The following SIRPB2 variants were observed in gnomAD, a reference collection of about 807,000 sequenced individuals.
The protein encoded by SIRPB2 is signal regulatory protein beta 2.
In SIRPB2, 18 loss-of-function variants were observed where a neutral mutation model predicts 27.1. The ratio of observed to expected loss-of-function variants is 0.66; its 90% CI spans 0.46 to 0.98. SIRPB2 has a LOEUF of 0.98. Among genes scored for constraint, SIRPB2 ranks in the 50% least tolerant of loss-of-function variants. SIRPB2 has a pLI of 0.00. For missense variants in SIRPB2, 420 were observed against 417.4 expected (o/e 1.01, Z -0.06); for synonymous variants, 150 against 164.6 (o/e 0.91, Z 0.68).
At chr20:1,484,486 A>C (rs1436545249) in intron 1 of SIRPB2, among the ~76,000 whole-genome samples, 4 of 152,122 alleles carry the variant, frequency 2.6e-5, no homozygotes, top group Non-Finnish European at 4.4e-5. Context: ...AATATACAGG[A>C]AACTCAAACA....
intron 1 of SIRPB2, among the ~76,000 whole-genome samples, chr20:1,483,626 ATTGT>A (rs1001520953): frequency 7.2e-5 from 11 of 151,944 alleles, no homozygotes; most frequent in Admixed American, 2.0e-4. Context: ...TAACTGTTGA[ATTGT>A]TTGAGTTCCT....
chr20:1,483,612 T>A (rs886247027), intron 1 of SIRPB2, among the ~76,000 whole-genome samples: 35 of 152,346 alleles, frequency 2.3e-4, no homozygotes, highest in African/African-American at 7.9e-4. Flanking sequence ...TTTGTTTGCT[T>A]TTTTAACTGT....
At chr20:1,487,831 C>T (rs1286882264) in intron 1 of SIRPB2, among the ~76,000 whole-genome samples, 2 of 152,110 alleles carry the variant, frequency 1.3e-5, no homozygotes, top group Non-Finnish European at 2.9e-5. Flanking sequence ...GGTGCAAAGA[C>T]AATTCAATGG....
chr20:1,479,963 AC>A lies in SIRPB2; in HGVS notation c.187del (p.Val63SerfsTer8). The A allele has an allele frequency of 6.2e-7, 1 of 1,614,174 alleles. No individual in the cohort carries two copies. The highest frequency in any genetic ancestry group is 8.5e-7 in the Non-Finnish European group (1 of 1,180,036). Reference sequence around the variant, plus strand: ...TATCATACCATCAGTGCAGGAGCCGACCACCATACACCTCAGTAGAAGTGTC... The same window carrying A: ...TATCATACCATCAGTGCAGGAGCCGACACCATACACCTCAGTAGAAGTGTC... ...GETLLLRCMV[V>X]GSCTDGMIKW... On this transcript the variant is annotated frameshift_variant, in exon 2 of 5. Coordinates refer to ENST00000359801, the MANE Select transcript of SIRPB2 (RefSeq NM_001122962.2). LOFTEE classifies it high-confidence loss of function.
chr20:1,479,880 A>G lies in SIRPB2; in HGVS notation c.271T>C (p.Ser91Pro), dbSNP rs1568645364. ...ATCATGGGCATTACCCCAGGGAAGG[A>G]GCCACGTTTAAAGTTATAAATTTCC... The part of the protein sequence containing the change: ...QQEIYNFKRG[S>P]FPGVMPMIQR... Residue 91 changes from serine to proline, a missense_variant, in exon 2 of 5, where the codon TCC becomes CCC. By Grantham distance (74) the Ser-to-Pro change is moderately conservative (BLOSUM62 -1). Coordinates refer to ENST00000359801, the MANE Select transcript of SIRPB2 (RefSeq NM_001122962.2). 1 of 1,614,212 alleles carries G rather than the reference A, an allele frequency of 6.2e-7. No homozygotes were observed.
At chr20:1,485,473 G>A (rs116103465) in intron 1 of SIRPB2, among the ~76,000 whole-genome samples, 3,184 of 152,184 alleles carry the variant, frequency 0.021, 114 homozygotes, top group African/African-American at 0.073. Context: ...GCAAGGGGAA[G>A]TTTGTAGTAT....
At chr20:1,482,959 G>T (rs1157355696) in intron 1 of SIRPB2, among the ~76,000 whole-genome samples, 1 of 151,982 alleles carries the variant, frequency 6.6e-6, no homozygotes, top group Non-Finnish European at 1.5e-5. Context: ...TTTTCCTGTA[G>T]ATAAATACCT....
rs1164720945 is a variant in SIRPB2 at position 1,474,670 on chromosome 20, T to G, written c.*1497A>C. ...CTCACTGCAGCCTCTGCCTCCCAGT[T>G]CAAGCGGTTCTCCTGCCCCATCCTC... On this transcript the variant is annotated 3_prime_UTR_variant, in exon 5 of 5. Coordinates refer to ENST00000359801, the MANE Select transcript of SIRPB2 (RefSeq NM_001122962.2). 1 of 152,218 alleles carries G rather than the reference T, an allele frequency of 6.6e-6. No homozygotes were observed. Among genetic ancestry groups the G allele is most frequent in the African/African-American group, 2.4e-5 (1 of 41,394 alleles). 9.4% of individuals were successfully genotyped at this position (152,218 alleles called of 1,614,324 possible).
At chr20:1,476,586 G>T in intron 4 of SIRPB2, 2 of 466,572 alleles carry the variant, frequency 4.3e-6, no homozygotes, top group Non-Finnish European at 5.6e-6. Context: ...ATTCCTAATT[G>T]CCTAATGCAA....
chr20:1,483,447 TA>T (rs1331820042), intron 1 of SIRPB2, among the ~76,000 whole-genome samples: 1 of 152,206 alleles, frequency 6.6e-6, no homozygotes, highest in Non-Finnish European at 1.5e-5. Context: ...CTAACTGGGA[TA>T]AGACGATATC....
At chr20:1,482,560 TC>T (rs2090682320) in intron 1 of SIRPB2, among the ~76,000 whole-genome samples, 1 of 151,280 alleles carries the variant, frequency 6.6e-6, no homozygotes, top group African/African-American at 2.4e-5. Flanking sequence ...CCTTCCTTCC[TC>T]TCTCTCTTTC....
downstream of SIRPB2, among the ~76,000 whole-genome samples, chr20:1,473,414 A>T (rs555539705): frequency 1.2e-4 from 18 of 152,110 alleles, no homozygotes; most frequent in Admixed American, 9.8e-4. Context: ...ACACGTGCAC[A>T]CGCAGGCACA....
intron 1 of SIRPB2, among the ~76,000 whole-genome samples, chr20:1,486,055 C>CT (rs143317563): frequency 0.01 from 1,460 of 141,870 alleles, 24 homozygotes; most frequent in African/African-American, 0.034. Context: ...TTTTCCATAT[C>CT]TTTTTCTTTT....
downstream of SIRPB2, among the ~76,000 whole-genome samples, chr20:1,472,185 A>G (rs557242010): frequency 1.3e-5 from 2 of 152,210 alleles, no homozygotes; most frequent in South Asian, 4.1e-4. Context: ...TCACCTGTGC[A>G]ATGCCTGGGG....
At chr20:1,480,770 C>T (rs6079294) in intron 1 of SIRPB2, among the ~76,000 whole-genome samples, 23,210 of 152,132 alleles carry the variant, frequency 0.15, 3,040 homozygotes, top group East Asian at 0.74. Flanking sequence ...CCAGGCCATG[C>T]TACTTTGTTA....
intron 1 of SIRPB2, among the ~76,000 whole-genome samples, chr20:1,483,022 T>A (rs1288887022): frequency 2.0e-5 from 3 of 152,148 alleles, no homozygotes; most frequent in African/African-American, 7.2e-5. Context: ...TTTTGAGAAA[T>A]CTCCATACTG....
chr20:1,486,457 A>G (rs1472773728), intron 1 of SIRPB2, among the ~76,000 whole-genome samples: 3 of 152,048 alleles, frequency 2.0e-5, no homozygotes, highest in Non-Finnish European at 4.4e-5. Context: ...ATACTTTTCT[A>G]ATTATTCTAT....
intron 1 of SIRPB2, among the ~76,000 whole-genome samples, chr20:1,486,114 C>T (rs112304762): frequency 6.6e-5 from 10 of 150,950 alleles, no homozygotes; most frequent in African/African-American, 2.4e-4. Context: ...ACTCTGTCAC[C>T]CAGGCTGGAA....
chr20:1,476,626 G>C, intron 4 of SIRPB2: 2 of 733,744 alleles, frequency 2.7e-6, no homozygotes, highest in South Asian at 1.2e-4. Flanking sequence ...GTGTAGGATA[G>C]TGATCCAATT....
Sources: allele counts gnomAD v4.1 joint callset (sites outside exome capture counted in the v4.1 genomes callset), GRCh38; gene constraint gnomAD v4.1.1; transcripts MANE v1.5; gene names NCBI Gene and HGNC (gene_info 2026-07-23, HGNC 2026-07-21).